The following FUNDC2 variants were observed in gnomAD, a reference collection of about 807,000 sequenced individuals.
FUNDC2 encodes the protein FUN14 domain-containing protein 2.
In FUNDC2, 4 loss-of-function variants were observed where a neutral mutation model predicts 15.6. That is an observed-to-expected ratio of 0.26 (90% CI 0.13 to 0.59). The LOEUF (loss-of-function observed/expected upper bound fraction) is 0.59, where lower values mean the gene tolerates loss of function less well. Ranked by LOEUF, FUNDC2 falls within the 20% of genes least tolerant of loss-of-function variation. The probability of loss-of-function intolerance (pLI) is 0.90; values close to 1 mark genes in which losing one functional copy is unlikely to be tolerated. For missense variants in FUNDC2, 98 were observed against 149.7 expected, an observed-to-expected ratio of 0.65 and a Z score of 1.80; for synonymous variants, 44 against 56.9, an observed-to-expected ratio of 0.77 and a Z score of 1.02.
Position 155,055,563 on chromosome X carries a change from A to C in FUNDC2, c.*891A>C, listed in dbSNP as rs1294644911. ...GATAGGACATGAGAAATAAATTTCCATCAAGTGTAATCTACCGTCTCATGA... is the reference window on the plus strand; with the variant it reads ...GATAGGACATGAGAAATAAATTTCCCTCAAGTGTAATCTACCGTCTCATGA... On this transcript the variant is annotated 3_prime_UTR_variant, in exon 5 of 5. Transcript: ENST00000369498. The C allele has an allele frequency of 2.0e-5, 5 of 251,002 alleles. No individual in the cohort carries two copies. Among genetic ancestry groups the C allele is most frequent in the Admixed American group, 6.8e-5 (1 of 14,678 alleles). The allele number at this position is 251,002 out of a possible 1,213,427, so 20.7% of individuals were successfully genotyped here.
At position 155,057,399 on chromosome X, in the gene FUNDC2, G is replaced by C. The variant is rs1312931545; in HGVS notation, c.*2727G>C. The C allele has an allele frequency of 9.0e-6, 1 of 111,516 alleles. No homozygotes were observed. The highest frequency in any genetic ancestry group is 3.3e-5 in the African/African-American group (1 of 30,756). The allele number at this position is 111,516 out of a possible 1,213,427, so 9.2% of individuals were successfully genotyped here. On this transcript the variant is annotated 3_prime_UTR_variant, in exon 5 of 5. Coordinates refer to ENST00000369498, the MANE Select transcript of FUNDC2 (RefSeq NM_023934.4). ...CTTAGCTAGGCACGTATTTTCTCCA[G>C]TAGCAGAGTCCAATGACGCTCTGGA...
In FUNDC2 at chrX:155,057,027, AGGTTG is replaced by A. The variant is rs1569560274; in HGVS notation, c.*2357_*2361del. The A allele has an allele frequency of 6.0e-5, 6 of 99,851 alleles. 2 individuals are homozygous for A. The highest frequency in any genetic ancestry group is 2.9e-4 in the East Asian group (1 of 3,497). The allele number at this position is 99,851 out of a possible 1,213,427, so 8.2% of individuals were successfully genotyped here. A position where few individuals can be genotyped will look rare whatever the true frequency, so the allele number is the denominator to read the frequency against. The stretch of plus-strand genomic sequence containing the variant: ...GGGTCATGGTTGAGGTCAGTATTGC[AGGTTG>A]GCCTCATCCTGCTAGTATGAGAACG... On this transcript the variant is annotated 3_prime_UTR_variant, in exon 5 of 5. Coordinates refer to ENST00000369498, the MANE Select transcript of FUNDC2 (RefSeq NM_023934.4).
In FUNDC2 at chrX:155,057,738, G is replaced by A. The variant is rs1557291227; in HGVS notation, c.*3066G>A. On this transcript the variant is annotated 3_prime_UTR_variant, in exon 5 of 5. Transcript: ENST00000369498. ...ACTTTGAGCCACCCTTTGACCCAGCGTCTCTCCCGCAATGGGACCTGGTGG... is the reference window on the plus strand; with the variant it reads ...ACTTTGAGCCACCCTTTGACCCAGCATCTCTCCCGCAATGGGACCTGGTGG... The A allele has an allele frequency of 9.0e-6, 1 of 111,672 alleles. No homozygotes were observed. The highest frequency in any genetic ancestry group is 1.9e-5 in the Non-Finnish European group (1 of 53,129). The allele number at this position is 111,672 out of a possible 1,213,427, so 9.2% of individuals were successfully genotyped here. A position where few individuals can be genotyped will look rare whatever the true frequency, so the allele number is the denominator to read the frequency against.
rs782554414 is a variant in FUNDC2 at position 155,053,121 on chromosome X, G to A, written c.492+1320G>A. Among the ~76,000 whole-genome samples, 54 of 112,420 alleles carry A rather than the reference G, an allele frequency of 4.8e-4. No homozygotes were observed. The South Asian group carries it at 6.6e-3, about 14-fold the overall frequency. ...TGGGCTCAAGCAGTATTCCCACCTC[G>A]GCCTCCCAAAGTGCTGGCATTACAG... On this transcript the variant is annotated intron_variant, in intron 4 of 4. Transcript: ENST00000369498.
At chrX:155,050,951 T>C (rs1385795213) in intron 3 of FUNDC2, 1 of 112,081 alleles carries the variant, frequency 8.9e-6, no homozygotes, top group Non-Finnish European at 1.9e-5. Flanking sequence ...TGAAGACTTT[T>C]AGTTTCAGAT....
intron 1 of FUNDC2, among the ~76,000 whole-genome samples, chrX:155,032,632 A>G (rs2073819427): frequency 9.0e-6 from 1 of 110,666 alleles, no homozygotes; most frequent in Non-Finnish European, 1.9e-5. Flanking sequence ...TATTCTGTGG[A>G]TTAATTAGAT....
intron 3 of FUNDC2, among the ~76,000 whole-genome samples, chrX:155,048,841 A>G: frequency 8.9e-6 from 1 of 112,189 alleles, no homozygotes; most frequent in South Asian, 3.7e-4. Flanking sequence ...ATACCTTATA[A>G]CTTTAGTTGC....
intron 2 of FUNDC2, among the ~76,000 whole-genome samples, chrX:155,039,598 A>G (rs1454597747): frequency 2.7e-5 from 3 of 112,105 alleles, no homozygotes; most frequent in African/African-American, 9.7e-5. Context: ...TGAAGAGACT[A>G]TCCTTTCCCT....
At chrX:155,028,805 A>G (rs1366021139) in intron 1 of FUNDC2, among the ~76,000 whole-genome samples, 3 of 111,993 alleles carry the variant, frequency 2.7e-5, no homozygotes, top group Non-Finnish European at 5.6e-5. Context: ...TCAGTTTGAC[A>G]GTGTTGAATG....
At chrX:155,051,186 G>C (rs7886856) in intron 3 of FUNDC2, 27,361 of 116,123 alleles carry the variant, frequency 0.24, 2,398 homozygotes, top group South Asian at 0.39. Flanking sequence ...CTTAATATCC[G>C]TTTATATGAA....
chrX:155,041,055 A>AT (rs1232536680), intron 2 of FUNDC2, among the ~76,000 whole-genome samples: 4 of 111,305 alleles, frequency 3.6e-5, no homozygotes, highest in Admixed American at 1.9e-4. Context: ...GGTCCAATTT[A>AT]TTTTTTTTGT....
In FUNDC2 at chrX:155,027,816, A is replaced by G. The variant is rs782298778; in HGVS notation, c.133+745A>G. On this transcript the variant is annotated intron_variant, in intron 1 of 4. Transcript: ENST00000369498. ...ATTGTATCTTTGTGGAGGAGATACTATACTATGGTGCTCTACTGTGCGTCT... is the reference window on the plus strand; with the variant it reads ...ATTGTATCTTTGTGGAGGAGATACTGTACTATGGTGCTCTACTGTGCGTCT... Among the ~76,000 whole-genome samples, 14 of 112,132 alleles carry G rather than the reference A, an allele frequency of 1.2e-4. No individual in the cohort carries two copies. In the East Asian group the frequency reaches 1.4e-3, roughly 11 times the overall value.
At chrX:155,041,539 A>AT (rs1291402395) in intron 2 of FUNDC2, among the ~76,000 whole-genome samples, 3 of 100,518 alleles carry the variant, frequency 3.0e-5, no homozygotes, top group Non-Finnish European at 4.1e-5. Flanking sequence ...TGCTGGGGAT[A>AT]TTTTTTTTTT....
Position 155,026,997 on chromosome X carries a change from C to A in FUNDC2, c.59C>A (p.Ser20Tyr). The A allele has an allele frequency of 1.7e-6, 2 of 1,202,190 alleles. No individual in the cohort carries two copies. The highest frequency in any genetic ancestry group is 1.1e-6 in the Non-Finnish European group (1 of 891,209). Residue 20 changes from serine to tyrosine, a missense_variant, in exon 1 of 5, where the codon TCC (serine) becomes TAC (tyrosine). By Grantham distance (144) the Ser-to-Tyr change is moderately radical (BLOSUM62 -2). Transcript: ENST00000369498. ...SQVVATTARH[S>Y]AAYRADPLRV... ...GTGGTGGCGACAACTGCGCGCCACT[C>A]CGCGGCCTACCGCGCAGATCCTCTA...
chrX:155,035,699 T>C (rs1279023524), intron 2 of FUNDC2, among the ~76,000 whole-genome samples: 1 of 112,466 alleles, frequency 8.9e-6, no homozygotes, highest in African/African-American at 3.2e-5. Flanking sequence ...TTTTTTTGTT[T>C]TGAGACGGAG....
At position 155,057,017 on chromosome X, in the gene FUNDC2, TCAGTATTGCAGGTTGGC is replaced by T. The variant is rs2073903906; in HGVS notation, c.*2347_*2363del. The T allele has an allele frequency of 9.5e-6, 1 of 104,918 alleles. No individual in the cohort carries two copies. Among genetic ancestry groups the T allele is most frequent in the Non-Finnish European group, 2.0e-5 (1 of 50,071 alleles). 8.6% of individuals were successfully genotyped at this position (104,918 alleles called of 1,213,427 possible). On this transcript the variant is annotated 3_prime_UTR_variant, in exon 5 of 5. Coordinates refer to ENST00000369498, the MANE Select transcript of FUNDC2 (RefSeq NM_023934.4). ...ACGACTGTGAGGGTCATGGTTGAGG[TCAGTATTGCAGGTTGGC>T]CTCATCCTGCTAGTATGAGAACGGC... is the stretch of plus-strand genomic sequence containing the variant.
intron 4 of FUNDC2, chrX:155,053,752 AC>A: frequency 1.5e-6 from 1 of 676,008 alleles, no homozygotes; most frequent in Non-Finnish European, 1.8e-6. Context: ...GATGGAAGTC[AC>A]CGTACTTGAG....
intron 2 of FUNDC2, among the ~76,000 whole-genome samples, chrX:155,039,128 T>G (rs2073840312): frequency 8.9e-6 from 1 of 112,275 alleles, no homozygotes; most frequent in Non-Finnish European, 1.9e-5. Flanking sequence ...TATACCTTAT[T>G]TATTGGCCAT....
intron 3 of FUNDC2, 77 bp from the exon 4 acceptor site, chrX:155,051,593 C>G: frequency 2.8e-6 from 3 of 1,075,793 alleles, no homozygotes; most frequent in Non-Finnish European, 3.8e-6. Context: ...CGAGAGTCTA[C>G]TTCAGGATTT....
Sources: gnomAD v4.1 joint callset for allele counts (sites outside exome capture counted in the v4.1 genomes callset) on GRCh38, gnomAD v4.1.1 for gene constraint, MANE v1.5 for transcripts, NCBI Gene and HGNC (gene_info 2026-07-23, HGNC 2026-07-21) for gene names.